RPTOR: variants seen among roughly 807,000 people sequenced by gnomAD.
RPTOR encodes the protein regulatory-associated protein of mTOR.
A neutral mutation model predicts 169.9 loss-of-function variants in RPTOR; 21 were observed. The observed-to-expected ratio is 0.12, with a 90% confidence interval of 0.09 to 0.18. The LOEUF (loss-of-function observed/expected upper bound fraction) is 0.18. Among genes scored for constraint, RPTOR ranks in the 10% least tolerant of loss-of-function variants. RPTOR has a pLI of 1.00. For synonymous variants in RPTOR, 732 were observed against 753.2 expected (o/e 0.97, Z 0.46); for missense variants, 1,133 against 1,855.9 (o/e 0.61, Z 7.16).
rs185581857 is a variant in RPTOR, at chr17:80,861,097, T to G, written c.1509+3197T>G. Among the ~76,000 whole-genome samples, 1 of 145,332 alleles carries G rather than the reference T, an allele frequency of 6.9e-6. No individual in the cohort carries two copies. The highest frequency in any genetic ancestry group is 1.6e-5 in the Non-Finnish European group (1 of 64,180). ...TACCCATTAAACTACAGATAAAGAA[T>G]GACTGCTTTGAAAGATTGGCTAAAG... On this transcript the variant is annotated intron_variant, in intron 13 of 33. Coordinates refer to ENST00000306801, the MANE Select transcript of RPTOR (RefSeq NM_020761.3). The surrounding 1 kb of genome is among the most constrained non-coding windows in gnomAD (Gnocchi z 4.5).
intron 4 of RPTOR, among the ~76,000 whole-genome samples, chr17:80,722,500 G>A (rs1357158906): frequency 1.3e-5 from 2 of 150,758 alleles, no homozygotes; most frequent in Non-Finnish European, 2.9e-5. Flanking sequence ...TGAGGCAGCC[G>A]GAGACCTGGG....
In RPTOR at chr17:80,960,092, C is replaced by T. The variant is rs751969696; in HGVS notation, c.3492C>T (p.Gly1164=). ...REMKVQDIPT[G]ADSCVTSLSC... ...TTTGGCTCTAGGACATCCCTACGGG[C>T]GCAGACAGCTGTGTGACGAGTCTGT... The change falls in exon 30 of 34, where the codon GGC becomes GGT. Residue 1164 remains glycine, a synonymous_variant. Transcript: ENST00000306801. This position sits in a 1 kb window ranked among gnomAD's most constrained non-coding sequence, Gnocchi z 4.8. The T allele has an allele frequency of 1.1e-5, 17 of 1,613,622 alleles. No individual in the cohort carries two copies. Among genetic ancestry groups the T allele is most frequent in the South Asian group, 3.3e-5 (3 of 91,086 alleles).
At position 80,964,309 on chromosome 17, in the gene RPTOR, G is replaced by T; in HGVS notation, c.3987G>T (p.Ser1329=). ...ACGACTACTACATCTCCGTGTACTC[G>T]GTGGAGAAGCGTGTCAGATAGCGGC... ...GSNDYYISVY[S]VEKRVR The change falls in exon 34 of 34, where the codon TCG becomes TCT. Residue 1329 remains serine (S), a synonymous_variant. Coordinates refer to ENST00000306801, the MANE Select transcript of RPTOR (RefSeq NM_020761.3). The T allele has an allele frequency of 1.2e-6, 2 of 1,608,372 alleles. No individual in the cohort carries two copies. The highest frequency in any genetic ancestry group is 8.5e-7 in the Non-Finnish European group (1 of 1,179,804).
intron 1 of RPTOR, among the ~76,000 whole-genome samples, chr17:80,595,081 A>G (rs1224412817): frequency 6.6e-6 from 1 of 152,100 alleles, no homozygotes; most frequent in Non-Finnish European, 1.5e-5. Context: ...TAGGGAGAAG[A>G]GAAAGAGAGA....
rs1212213106 is a variant in RPTOR, at chr17:80,602,640, T to C, written c.163-23051T>C. ...AGTATAGAACTTATTTGGTGAATCT[T>C]CATCCTCATTACATTTTCTGGATAA... On this transcript the variant is annotated intron_variant, in intron 1 of 33. Transcript: ENST00000306801. 5 of 672,224 alleles carry C rather than the reference T, an allele frequency of 7.4e-6. No homozygotes were observed. The East Asian group carries it at 1.5e-4, about 20-fold the overall frequency. The allele number at this position is 672,224 out of a possible 1,614,324, so 41.6% of individuals were successfully genotyped here.
intron 3 of RPTOR, among the ~76,000 whole-genome samples, chr17:80,701,114 A>C (rs1017913872): frequency 6.6e-6 from 1 of 152,064 alleles, no homozygotes; most frequent in African/African-American, 2.4e-5. Flanking sequence ...GAGGGGAGCA[A>C]GCTTAGGAGG....
In RPTOR at chr17:80,651,929, A is replaced by G. The variant is rs556638447; in HGVS notation, c.348+8119A>G. Among the ~76,000 whole-genome samples, 418 of 151,896 alleles carry G rather than the reference A, an allele frequency of 2.8e-3. 4 individuals carry two copies. The highest frequency in any genetic ancestry group is 9.7e-3 in the African/African-American group (402 of 41,406). On this transcript the variant is annotated intron_variant, in intron 3 of 33. Coordinates refer to ENST00000306801, the MANE Select transcript of RPTOR (RefSeq NM_020761.3). This position sits in a 1 kb window ranked among gnomAD's most constrained non-coding sequence, Gnocchi z 4.1. ...AGGCTGAGGCAGGAGAATGGCATGA[A>G]CCCGGGAGGTGGAGCTTGCAGTGAG...
chr17:80,945,587 G>T (rs17848707), intron 25 of RPTOR, 80 bp from the exon 26 acceptor site: 20 of 905,288 alleles, frequency 2.2e-5, no homozygotes, highest in Non-Finnish European at 3.3e-5. Flanking sequence ...GCGAGACTCC[G>T]TCTCAAAAAA....
intron 25 of RPTOR, 32 bp downstream of exon 25, chr17:80,940,633 C>T (rs2069012956): frequency 6.4e-7 from 1 of 1,558,762 alleles, no homozygotes; most frequent in Non-Finnish European, 8.7e-7. Context: ...GCCAGGGGCT[C>T]ATTCCGGGGG....
intron 3 of RPTOR, among the ~76,000 whole-genome samples, chr17:80,644,121 C>T (rs545023239): frequency 6.6e-6 from 1 of 152,308 alleles, no homozygotes; most frequent in South Asian, 2.1e-4. Context: ...TAATTTTTCT[C>T]AGGAAATGTA....
intron 13 of RPTOR, 85 bp from the exon 14 acceptor site, chr17:80,880,330 C>T (rs2068172291): frequency 4.4e-6 from 5 of 1,125,728 alleles, no homozygotes; most frequent in Non-Finnish European, 6.8e-6. Context: ...AAGTCCCTGC[C>T]CTTATTCGTT....
rs572285746 is a variant in RPTOR at position 80,870,308 on chromosome 17, C to T, written c.1510-10107C>T. 3.3e-5 allele frequency among the ~76,000 whole-genome samples: 5 copies of T among 152,282 alleles called. No homozygotes were observed. In the East Asian group the frequency reaches 9.6e-4, roughly 29 times the overall value. On this transcript the variant is annotated intron_variant, in intron 13 of 33. Coordinates refer to ENST00000306801, the MANE Select transcript of RPTOR (RefSeq NM_020761.3). Reference sequence around the variant, plus strand: ...ACTGGGAACAGGCTGCTGTGGTCCCCGGAAGGAACCCGCACTATGAAGAAA... The same window carrying T: ...ACTGGGAACAGGCTGCTGTGGTCCCTGGAAGGAACCCGCACTATGAAGAAA...
intron 3 of RPTOR, among the ~76,000 whole-genome samples, chr17:80,674,819 A>C (rs74717931): frequency 2.9e-5 from 4 of 136,782 alleles, no homozygotes; most frequent in Non-Finnish European, 4.7e-5. Flanking sequence ...AAAAAAAAAA[A>C]AAAAAACAAC....
intron 13 of RPTOR, among the ~76,000 whole-genome samples, chr17:80,877,679 C>A (rs2068136961): frequency 1.3e-5 from 2 of 152,346 alleles, no homozygotes; most frequent in Non-Finnish European, 2.9e-5. Flanking sequence ...TTCTGTTGCC[C>A]TGGCCCTCTG....
chr17:80,777,914 G>A lies in RPTOR; in HGVS notation c.831-13536G>A, dbSNP rs180943872. 2.6e-3 allele frequency among the ~76,000 whole-genome samples: 391 copies of A among 152,242 alleles called. 3 individuals carry two copies. The highest frequency in any genetic ancestry group is 7.9e-3 in the African/African-American group (327 of 41,548). On this transcript the variant is annotated intron_variant, in intron 6 of 33. Coordinates refer to ENST00000306801, the MANE Select transcript of RPTOR (RefSeq NM_020761.3). ...GGAACTGTATAAAGAAAAGGTGAAC[G>A]CCAGAGGCTGAAGAGGGAAGGAGCT...
In RPTOR at chr17:80,695,987, CCGT is replaced by C. The variant is rs2066033177; in HGVS notation, c.349-11853_349-11851del. Among the ~76,000 whole-genome samples, 2 of 152,220 alleles carry C rather than the reference CCGT, an allele frequency of 1.3e-5. No homozygotes were observed. The highest frequency in any genetic ancestry group is 4.8e-5 in the African/African-American group (2 of 41,448). On this transcript the variant is annotated intron_variant, in intron 3 of 33. Transcript: ENST00000306801. The surrounding 1 kb of genome is among the most constrained non-coding windows in gnomAD (Gnocchi z 4.9). ...TGGTTACATCTTAGATGGAAATTGG[CCGT>C]GTCTCTGCTGTTTCTGAGTGTGCGA...
At chr17:80,902,373 G>A (rs2068487278) in intron 20 of RPTOR, among the ~76,000 whole-genome samples, 1 of 152,178 alleles carries the variant, frequency 6.6e-6, no homozygotes, top group Non-Finnish European at 1.5e-5. Flanking sequence ...CCCCTGGCTG[G>A]CCCCTGGCCC....
intron 1 of RPTOR, among the ~76,000 whole-genome samples, chr17:80,565,568 G>C (rs1211965277): frequency 1.3e-5 from 2 of 149,912 alleles, no homozygotes; most frequent in Non-Finnish European, 3.0e-5. Context: ...CCCAGGGCTG[G>C]GAGGCGGAGG....
At chr17:80,939,580 T>G (rs760496584) in intron 24 of RPTOR, among the ~76,000 whole-genome samples, 11 of 152,154 alleles carry the variant, frequency 7.2e-5, no homozygotes, top group Non-Finnish European at 1.6e-4. Flanking sequence ...AGCACCCTCC[T>G]AGCTCTTCCA....
Sources: allele counts gnomAD v4.1 joint callset (sites outside exome capture counted in the v4.1 genomes callset), GRCh38; gene constraint gnomAD v4.1.1; non-coding constraint Gnocchi (gnomAD v3.1); transcripts MANE v1.5; gene names NCBI Gene and HGNC (gene_info 2026-07-23, HGNC 2026-07-21).